Variants in RRN3 observed in about 807,000 individuals in gnomAD.
RRN3 encodes the protein RNA polymerase I transcription factor RRN3.
In RRN3, 38 loss-of-function variants were observed where a neutral mutation model predicts 82.3. That is an observed-to-expected ratio of 0.46 (90% CI 0.36 to 0.61). The LOEUF is 0.61. Among genes scored for constraint, RRN3 ranks in the 20% least tolerant of loss-of-function variants. The pLI, the probability that RRN3 is intolerant of heterozygous loss-of-function variation, is 0.00. For synonymous variants in RRN3, 284 were observed against 284.3 expected (o/e 1.00, Z 0.01); for missense variants, 726 against 793.1 (o/e 0.92, Z 1.02).
In RRN3 at chr16:15,090,308, G is replaced by C. The variant is rs995249454; in HGVS notation, c.252+1007C>G. On this transcript the variant is annotated intron_variant, in intron 3 of 17. Transcript: ENST00000198767. ...ATAAGAACAGTGGACTTAAATGTGA[G>C]TGAGAAATGATACAGCGCAGTCAGC... is the stretch of plus-strand genomic sequence containing the variant. Among the ~76,000 whole-genome samples, 9 of 152,314 alleles carry C rather than the reference G, an allele frequency of 5.9e-5. 1 individual carries two copies. The East Asian group carries it at 7.7e-4, about 13-fold the overall frequency.
rs2044684543 is a variant in RRN3 at position 15,060,879 on chromosome 16, T to G, written c.*865A>C. The stretch of plus-strand genomic sequence containing the variant: ...CTAAGTGATGCAGATCAAAACTGAC[T>G]CGATCTAATGGCCACCAAGGAGCAG... On this transcript the variant is annotated 3_prime_UTR_variant, in exon 18 of 18. Coordinates refer to ENST00000198767, the MANE Select transcript of RRN3 (RefSeq NM_018427.5). The G allele has an allele frequency of 6.6e-6, 1 of 152,216 alleles. No homozygotes were observed. The highest frequency in any genetic ancestry group is 1.5e-5 in the Non-Finnish European group (1 of 68,052). 9.4% of individuals were successfully genotyped at this position (152,216 alleles called of 1,614,324 possible).
At chr16:15,076,036 G>A (rs1037326894) in intron 10 of RRN3, among the ~76,000 whole-genome samples, 1 of 152,018 alleles carries the variant, frequency 6.6e-6, no homozygotes, top group Non-Finnish European at 1.5e-5. Flanking sequence ...ACCAATCCAT[G>A]CCCCAGAATG....
At chr16:15,084,443 C>T (rs558033210) in intron 7 of RRN3, among the ~76,000 whole-genome samples, 199 bp downstream of exon 7, 212 of 150,950 alleles carry the variant, frequency 1.4e-3, no homozygotes, top group African/African-American at 4.6e-3. Context: ...TGCATACAAA[C>T]TTTGAAAAAC....
chr16:15,062,208 C>G (rs972375032), intron 17 of RRN3, among the ~76,000 whole-genome samples: 15 of 152,220 alleles, frequency 9.9e-5, no homozygotes, highest in African/African-American at 3.4e-4. Context: ...TACCAACATA[C>G]CCACATAACT....
intron 12 of RRN3, 149 bp from the exon 13 acceptor site, chr16:15,071,400 G>C: frequency 1.3e-6 from 1 of 775,106 alleles, no homozygotes. Flanking sequence ...AACACATTGA[G>C]AGAATATCAT....
Position 15,070,212 on chromosome 16 carries a change from G to T in RRN3, c.1302C>A (p.His434Gln), listed in dbSNP as rs765788213. The change falls in exon 14 of 18, where the codon CAC (histidine) becomes CAA (glutamine). Residue 434 changes from histidine (H) to glutamine (Q), a missense_variant. Physicochemically the swap from His to Gln is conservative, Grantham distance 24. Coordinates refer to ENST00000198767, the MANE Select transcript of RRN3 (RefSeq NM_018427.5). ...SCLDLLVNWLHIYLNNQDSGT... is the reference protein window; with the variant it reads ...SCLDLLVNWLQIYLNNQDSGT... Reference sequence around the variant, plus strand: ...CCGAATCCTGGTTATTAAGGTATATGTGCAGCCAGTTAACCAAAAGATCTA... The same window carrying T: ...CCGAATCCTGGTTATTAAGGTATATTTGCAGCCAGTTAACCAAAAGATCTA... The T allele has an allele frequency of 6.2e-7, 1 of 1,608,178 alleles. No individual in the cohort carries two copies. Among genetic ancestry groups the T allele is most frequent in the East Asian group, 2.2e-5 (1 of 44,848 alleles).
Position 15,076,841 on chromosome 16 carries a change from T to C in RRN3, c.766-191A>G, listed in dbSNP as rs188058870. ...CCTAGGTCATGAAGGAATTTAAATA[T>C]AATAAACCAAGCCCCTTTTACTACA... On this transcript the variant is annotated intron_variant, in intron 9 of 17. Coordinates refer to ENST00000198767, the MANE Select transcript of RRN3 (RefSeq NM_018427.5). Among the ~76,000 whole-genome samples, 206 of 152,290 alleles carry C rather than the reference T, an allele frequency of 1.4e-3. 1 individual carries two copies. The highest frequency in any genetic ancestry group is 1.4e-3 in the Non-Finnish European group (94 of 68,014).
chr16:15,094,102 G>A (rs1432493695), intron 1 of RRN3, 43 bp downstream of exon 1: 1 of 1,529,266 alleles, frequency 6.5e-7, no homozygotes, highest in Admixed American at 1.9e-5. Context: ...GCCGTCCTGA[G>A]CTTTCGTCCC....
chr16:15,085,847 C>T (rs1466056842), intron 5 of RRN3, 149 bp from the exon 6 acceptor site: 5 of 1,270,926 alleles, frequency 3.9e-6, no homozygotes, highest in Non-Finnish European at 5.4e-6. Flanking sequence ...TAATTAAACG[C>T]ACAATCTGAA....
chr16:15,094,082 T>A (rs1216410089), intron 1 of RRN3, 63 bp downstream of exon 1: 1 of 1,421,352 alleles, frequency 7.0e-7, no homozygotes, highest in African/African-American at 1.4e-5. Flanking sequence ...TTCAATCCGC[T>A]CCTCTAAGCG....
chr16:15,072,534 G>T (rs2045280669), intron 12 of RRN3, among the ~76,000 whole-genome samples: 1 of 152,130 alleles, frequency 6.6e-6, no homozygotes, highest in Admixed American at 6.5e-5. Context: ...AGGCACAGTT[G>T]TTCACACCTG....
chr16:15,086,908 C>G (rs1020090926), intron 3 of RRN3, among the ~76,000 whole-genome samples: 1 of 152,178 alleles, frequency 6.6e-6, no homozygotes, highest in Non-Finnish European at 1.5e-5. Context: ...ATAAACATAA[C>G]TTTTCTAAAC....
Position 15,092,541 on chromosome 16 carries a change from T to A in RRN3, c.163A>T (p.Thr55Ser). ...PPRKTVRFGG[T>S]VTEVLLKYKK... ...TACTTCAGCAAGACTTCTGTCACAG[T>A]TCCACCAAACCGAACAGTTTTTCTT... is the stretch of plus-strand genomic sequence containing the variant. The change falls in exon 2 of 18, where the codon ACT becomes TCT. Residue 55 changes from threonine (T) to serine (S), a missense_variant. By Grantham distance (58) the Thr-to-Ser change is moderately conservative (BLOSUM62 1). Around this residue, in one of 4 missense-constraint regions of RRN3, gnomAD observed 135 missense variants for 87.4 expected, o/e 1.55. Coordinates refer to ENST00000198767, the MANE Select transcript of RRN3 (RefSeq NM_018427.5). 11 of 1,613,358 alleles carry A rather than the reference T, an allele frequency of 6.8e-6. No homozygotes were observed. Among genetic ancestry groups the A allele is most frequent in the Non-Finnish European group, 9.3e-6 (11 of 1,179,310 alleles).
chr16:15,063,928 A>T (rs1158696187), intron 16 of RRN3, among the ~76,000 whole-genome samples: 1 of 152,148 alleles, frequency 6.6e-6, no homozygotes, highest in African/African-American at 2.4e-5. Flanking sequence ...TGAAACCGTA[A>T]TATTCTGGAA....
chr16:15,083,736 G>C, intron 7 of RRN3, 154 bp from the exon 8 acceptor site: 2 of 1,079,590 alleles, frequency 1.9e-6, no homozygotes, highest in East Asian at 5.7e-5. Context: ...TGTTTTTTGA[G>C]ACGGAGTTTC....
intron 11 of RRN3, among the ~76,000 whole-genome samples, chr16:15,073,614 C>T (rs1409036760): frequency 6.6e-6 from 1 of 152,144 alleles, no homozygotes; most frequent in Non-Finnish European, 1.5e-5. Context: ...AAATGCAAAC[C>T]CTTCTGAAGA....
At position 15,094,158 on chromosome 16, in the gene RRN3, C is replaced by T. The variant is rs746985884; in HGVS notation, c.76G>A (p.Ala26Thr). Residue 26 changes from alanine to threonine, a missense_variant, in exon 1 of 18, where the codon GCG (alanine) becomes ACG (threonine). By Grantham distance (58) the Ala-to-Thr change is moderately conservative. Around this residue, in one of 4 missense-constraint regions of RRN3, gnomAD observed 135 missense variants for 87.4 expected, o/e 1.55. Transcript: ENST00000198767. ...ASSSAVKKLG[A>T]SRTGISNMRA... ...CCTGAATCTTACCCAGTCCTCGACG[C>T]GCCCAGCTTCTTAACTGCAGAGGAC... is the stretch of plus-strand genomic sequence containing the variant. The T allele has an allele frequency of 1.2e-5, 19 of 1,600,058 alleles. No homozygotes were observed. The South Asian group carries it at 1.8e-4, about 15-fold the overall frequency.
intron 16 of RRN3, among the ~76,000 whole-genome samples, chr16:15,064,203 T>C (rs1425168939): frequency 6.6e-6 from 1 of 151,630 alleles, no homozygotes; most frequent in Non-Finnish European, 1.5e-5. Context: ...TGAGACAGAG[T>C]CTCACTCTCT....
intron 9 of RRN3, among the ~76,000 whole-genome samples, chr16:15,078,924 G>C (rs1441980293): frequency 6.7e-6 from 1 of 149,708 alleles, no homozygotes; most frequent in Non-Finnish European, 1.5e-5. Flanking sequence ...CCATTCTCCT[G>C]CCTCAGCCTC....
Sources: allele counts gnomAD v4.1 joint callset (sites outside exome capture counted in the v4.1 genomes callset), GRCh38; gene constraint gnomAD v4.1.1; regional missense constraint gnomAD v4.1.1; transcripts MANE v1.5; gene names NCBI Gene and HGNC (gene_info 2026-07-23, HGNC 2026-07-21).